Variants in EXOC6 observed in about 807,000 individuals in gnomAD.
The protein encoded by EXOC6 is exocyst complex component 6, also known as SEC15-like 1.
In EXOC6, 60 loss-of-function variants were observed where a neutral mutation model predicts 112.5. The ratio of observed to expected loss-of-function variants is 0.53; its 90% CI spans 0.43 to 0.66. EXOC6 has a LOEUF of 0.66. Ranked by LOEUF, EXOC6 falls within the 30% of genes least tolerant of loss-of-function variation. The pLI is 0.00. For missense variants in EXOC6, 855 were observed against 957.1 expected (o/e 0.89, Z 1.41); for synonymous variants, 295 against 308.0 (o/e 0.96, Z 0.44).
In EXOC6 at chr10:93,045,440, C is replaced by T. The variant is rs191807991; in HGVS notation, c.2170-11484C>T. 5.6e-4 allele frequency among the ~76,000 whole-genome samples: 86 copies of T among 152,272 alleles called. No individual in the cohort carries two copies. In the East Asian group the frequency reaches 8.7e-3, roughly 15 times the overall value. On this transcript the variant is annotated intron_variant, in intron 20 of 21. Transcript: ENST00000260762. The stretch of plus-strand genomic sequence containing the variant: ...AGAAAAACTAGTTATTCTCTTCCCT[C>T]GTGTTTTTCTTAACAATTGTACTGC...
upstream of EXOC6, among the ~76,000 whole-genome samples, chr10:92,834,046 G>C (rs1276232554): frequency 6.6e-6 from 1 of 152,054 alleles, no homozygotes; most frequent in Non-Finnish European, 1.5e-5. Context: ...AACTGAAAAG[G>C]AGTAAGATCT....
At chr10:92,969,441 A>G (rs896910725) in intron 17 of EXOC6, among the ~76,000 whole-genome samples, 7 of 152,148 alleles carry the variant, frequency 4.6e-5, no homozygotes, top group African/African-American at 1.7e-4. Context: ...TGACCCATAG[A>G]ACCTGTGAGT....
intron 1 of EXOC6, among the ~76,000 whole-genome samples, chr10:92,837,419 C>T (rs1365170616): frequency 1.3e-5 from 2 of 152,196 alleles, no homozygotes; most frequent in Non-Finnish European, 2.9e-5. Context: ...GCCTGTAATC[C>T]TAGCACTTTG....
rs751938313 is a variant in EXOC6, at chr10:92,954,616, A to G, written c.1527-14A>G. On this transcript the variant is annotated splice_polypyrimidine_tract_variant and intron_variant, in intron 15 of 21. Transcript: ENST00000260762. ...TTATTTATTAAGTTTAATAATATCA[A>G]TCTTTGTTTTTAGCTCAACAGAAAT... 2.3e-6 allele frequency: 3 copies of G among 1,331,498 alleles called. No homozygotes were observed. Among genetic ancestry groups the G allele is most frequent in the African/African-American group, 1.4e-5 (1 of 69,120 alleles). 82.5% of individuals were successfully genotyped at this position (1,331,498 alleles called of 1,614,324 possible). A position where few individuals can be genotyped will look rare whatever the true frequency, so the allele number is the denominator to read the frequency against.
intron 12 of EXOC6, 35 bp from the exon 13 acceptor site, chr10:92,940,692 T>C (rs770858253): frequency 4.3e-6 from 6 of 1,387,482 alleles, no homozygotes; most frequent in Non-Finnish European, 5.0e-6. Flanking sequence ...TTTTGTACAC[T>C]TGTTTATCTG....
chr10:92,947,081 A>G (rs1853064044), intron 13 of EXOC6, among the ~76,000 whole-genome samples: 1 of 151,732 alleles, frequency 6.6e-6, no homozygotes, highest in South Asian at 2.1e-4. Context: ...ATAAATATTA[A>G]TCAAAATTAT....
In EXOC6 at chr10:92,970,361, A is replaced by G. The variant is rs143916553; in HGVS notation, c.1774-3692A>G. Among the ~76,000 whole-genome samples, 848 of 152,398 alleles carry G rather than the reference A, an allele frequency of 5.6e-3. 6 individuals carry two copies. The highest frequency in any genetic ancestry group is 0.017 in the African/African-American group (701 of 41,602). On this transcript the variant is annotated intron_variant, in intron 17 of 21. Transcript: ENST00000260762. ...TAGCATTTACATTGTAGTAGGTGTTATAAGTAATCAAGAGATTGTTTAAAA... is the reference window on the plus strand; with the variant it reads ...TAGCATTTACATTGTAGTAGGTGTTGTAAGTAATCAAGAGATTGTTTAAAA...
intron 19 of EXOC6, among the ~76,000 whole-genome samples, chr10:93,009,548 C>T (rs924341468): frequency 6.6e-6 from 1 of 152,106 alleles, no homozygotes; most frequent in Non-Finnish European, 1.5e-5. Context: ...AAAGTGAGTG[C>T]TGAAGTTAGG....
chr10:92,974,716 C>A (rs555104951), intron 18 of EXOC6, among the ~76,000 whole-genome samples: 181 of 152,338 alleles, frequency 1.2e-3, no homozygotes, highest in African/African-American at 4.2e-3. Context: ...CAGGCGCACG[C>A]CACCACGCCT....
Position 92,915,914 on chromosome 10 carries a change from G to A in EXOC6, c.819+1G>A. 1 of 1,518,630 alleles carries A rather than the reference G, an allele frequency of 6.6e-7. No homozygotes were observed. Among genetic ancestry groups the A allele is most frequent in the Non-Finnish European group, 8.7e-7 (1 of 1,143,480 alleles). The allele number at this position is 1,518,630 out of a possible 1,614,324, so 94.1% of individuals were successfully genotyped here. On this transcript the variant is annotated splice_donor_variant, in intron 7 of 21. Coordinates refer to ENST00000260762, the MANE Select transcript of EXOC6 (RefSeq NM_019053.6). LOFTEE classifies it high-confidence loss of function. ...AGAAGAGGATGAGAATGAAGAAGAG[G>A]TGATAGGTGTCTTTCTTTCTTTTCT...
upstream of EXOC6, among the ~76,000 whole-genome samples, chr10:92,832,506 G>A (rs1203613668): frequency 2.0e-5 from 3 of 152,050 alleles, no homozygotes; most frequent in Admixed American, 1.3e-4. Context: ...ATGAACTTCC[G>A]ACCTCAGGTG....
chr10:92,929,941 G>C (rs1016785685), intron 9 of EXOC6, among the ~76,000 whole-genome samples: 5 of 152,198 alleles, frequency 3.3e-5, no homozygotes, highest in Non-Finnish European at 7.3e-5. Flanking sequence ...TTCTGGGACA[G>C]ATGAGAAATA....
chr10:93,045,253 T>A (rs1319022095), intron 20 of EXOC6, among the ~76,000 whole-genome samples: 13 of 152,228 alleles, frequency 8.5e-5, no homozygotes, highest in Admixed American at 8.5e-4. Context: ...TAAGTATTAT[T>A]TGACTTCCTA....
At chr10:93,011,416 T>C (rs907368336) in intron 19 of EXOC6, among the ~76,000 whole-genome samples, 1 of 152,022 alleles carries the variant, frequency 6.6e-6, no homozygotes, top group African/African-American at 2.4e-5. Flanking sequence ...CATGCCACCA[T>C]GCCTGGCTAA....
chr10:93,026,821 C>T (rs992820494), intron 20 of EXOC6, among the ~76,000 whole-genome samples: 1 of 152,154 alleles, frequency 6.6e-6, no homozygotes, highest in African/African-American at 2.4e-5. Flanking sequence ...CTCCTGGAGC[C>T]TCCCTATTCC....
chr10:92,900,740 C>T (rs1850120532), intron 5 of EXOC6: 1 of 149,590 alleles, frequency 6.7e-6, no homozygotes, highest in Non-Finnish European at 1.5e-5. Flanking sequence ...ACTTTTACCT[C>T]TTTTAATGGA....
intron 20 of EXOC6, among the ~76,000 whole-genome samples, chr10:93,017,067 T>C (rs111531722): frequency 0.28 from 42,572 of 151,784 alleles, 6,874 homozygotes; most frequent in African/African-American, 0.41. Context: ...TCACTTGCCT[T>C]GGCCTCCCAA....
chr10:92,827,435 C>T (rs1232840845), intron 1 of EXOC6, among the ~76,000 whole-genome samples: 1 of 123,312 alleles, frequency 8.1e-6, no homozygotes. Flanking sequence ...GATGGCACCA[C>T]TGCACTGCAG....
At chr10:92,952,438 C>G (rs145990258) in intron 15 of EXOC6, 56 bp downstream of exon 15, 6 of 1,100,880 alleles carry the variant, frequency 5.5e-6, no homozygotes, top group Non-Finnish European at 6.9e-6. Context: ...AACATTAATA[C>G]TTTATTTTTA....
Sources: allele counts gnomAD v4.1 joint callset (sites outside exome capture counted in the v4.1 genomes callset), GRCh38; gene constraint gnomAD v4.1.1; transcripts MANE v1.5; gene names NCBI Gene and HGNC (gene_info 2026-07-23, HGNC 2026-07-21).